The following RBBP4 variants were observed in gnomAD, a reference collection of about 807,000 sequenced individuals.
RBBP4 encodes RB binding protein 4, chromatin remodeling factor.
RBBP4 carries 3 observed loss-of-function variants against 57.2 expected under a neutral mutation model. The observed-to-expected ratio is 0.05, with a 90% CI of 0.02 to 0.14. RBBP4 has a LOEUF of 0.14. Among genes scored for constraint, RBBP4 ranks in the 10% least tolerant of loss-of-function variants. The pLI is 1.00. For synonymous variants in RBBP4, 151 were observed against 171.5 expected (o/e 0.88, Z 0.93); for missense variants, 107 against 520.6 (o/e 0.21, Z 7.73).
Position 32,684,576 on chromosome 1 carries a change from AATG to A in RBBP4, c.*4876_*4878del, listed in dbSNP as rs1649687799. 6.6e-6 allele frequency: 5 copies of A among 755,400 alleles called. No individual in the cohort carries two copies. The South Asian group carries it at 9.7e-5, about 15-fold the overall frequency. The allele number at this position is 755,400 out of a possible 1,614,324, so 46.8% of individuals were successfully genotyped here. ...GAAAAAAAGTGACAATGCTTTTGAAAATGATGACGAAAAAGGCATCTTGTCTGT... is the reference window on the plus strand; with the variant it reads ...GAAAAAAAGTGACAATGCTTTTGAAAATGACGAAAAAGGCATCTTGTCTGT... On this transcript the variant is annotated 3_prime_UTR_variant, in exon 12 of 12. Transcript: ENST00000373493.
chr1:32,679,602 G>A, intron 11 of RBBP4, 38 bp from the exon 12 acceptor site: 1 of 1,532,118 alleles, frequency 6.5e-7, no homozygotes, highest in Non-Finnish European at 8.7e-7. Context: ...TTTAGAAGAA[G>A]TCTTCATGTT....
At position 32,683,929 on chromosome 1, in the gene RBBP4, G is replaced by A. The variant is rs752784102; in HGVS notation, c.*4224G>A. On this transcript the variant is annotated 3_prime_UTR_variant, in exon 12 of 12. Coordinates refer to ENST00000373493, the MANE Select transcript of RBBP4 (RefSeq NM_005610.3). ...ATTACAGGCGTGAGCCACCCCGTCC[G>A]GCCTGTTTTTAAGGCATTAATTAGT... The A allele has an allele frequency of 1.6e-5, 23 of 1,421,306 alleles. No homozygotes were observed. The East Asian group carries it at 3.9e-4, about 24-fold the overall frequency. 88.0% of individuals were successfully genotyped at this position (1,421,306 alleles called of 1,614,324 possible).
chr1:32,679,465 A>G (rs564961577), intron 11 of RBBP4, among the ~76,000 whole-genome samples, 175 bp from the exon 12 acceptor site: 4 of 152,294 alleles, frequency 2.6e-5, no homozygotes, highest in East Asian at 1.9e-4. Flanking sequence ...TTCATTACCC[A>G]TTATAGGTTG....
intron 11 of RBBP4, among the ~76,000 whole-genome samples, chr1:32,675,723 C>T (rs574067325): frequency 2.0e-5 from 3 of 151,780 alleles, no homozygotes; most frequent in Middle Eastern, 3.5e-3. Flanking sequence ...GAGCCGAGAT[C>T]GTGCCACTGC....
chr1:32,668,665 C>G (rs1027156315), intron 4 of RBBP4, 74 bp from the exon 5 acceptor site: 1 of 1,257,628 alleles, frequency 8.0e-7, no homozygotes, highest in Non-Finnish European at 1.1e-6. Context: ...ACATCTTGAC[C>G]AAAATTCCAT....
At chr1:32,655,635 C>G (rs916419442) in intron 2 of RBBP4, among the ~76,000 whole-genome samples, 2 of 152,170 alleles carry the variant, frequency 1.3e-5, no homozygotes, top group Non-Finnish European at 2.9e-5. Context: ...TCTGCCTGCC[C>G]GTGTCTTCCC....
chr1:32,683,368 GAT>G lies in RBBP4; in HGVS notation c.*3666_*3667del, dbSNP rs1649581942. The G allele has an allele frequency of 6.6e-6, 1 of 151,746 alleles. No individual in the cohort carries two copies. Among genetic ancestry groups the G allele is most frequent in the Non-Finnish European group, 1.5e-5 (1 of 68,050 alleles). 9.4% of individuals were successfully genotyped at this position (151,746 alleles called of 1,614,324 possible). The stretch of plus-strand genomic sequence containing the variant: ...TATTATATAAGGAACTTAATGGATA[GAT>G]ATGTTTATTATTTTTGATAGCACAA... On this transcript the variant is annotated 3_prime_UTR_variant, in exon 12 of 12. Coordinates refer to ENST00000373493, the MANE Select transcript of RBBP4 (RefSeq NM_005610.3).
chr1:32,676,756 T>C (rs1649121501), intron 11 of RBBP4, among the ~76,000 whole-genome samples: 1 of 152,140 alleles, frequency 6.6e-6, no homozygotes, highest in South Asian at 2.1e-4. Flanking sequence ...CCTCACTCTC[T>C]TTGTAATAAA....
intron 2 of RBBP4, among the ~76,000 whole-genome samples, chr1:32,653,719 C>T (rs1165692179): frequency 4.0e-5 from 5 of 123,800 alleles, no homozygotes; most frequent in Non-Finnish European, 8.0e-5. Context: ...AGTGCAGTCA[C>T]GTGATCTCCG....
In RBBP4 at chr1:32,672,635, G is replaced by A; in HGVS notation, c.1044-7G>A. On this transcript the variant is annotated splice_region_variant and splice_polypyrimidine_tract_variant and intron_variant, in intron 9 of 11. Transcript: ENST00000373493. The stretch of plus-strand genomic sequence containing the variant: ...TTTTAACTTTTAAAATTATGCTTTT[G>A]TACTAGTAAAATTGGAGAGGAACAA... 6.2e-7 allele frequency: 1 copy of A among 1,613,586 alleles called. No individual in the cohort carries two copies. The highest frequency in any genetic ancestry group is 8.5e-7 in the Non-Finnish European group (1 of 1,179,538).
At chr1:32,652,981 A>G (rs1395619162) in intron 2 of RBBP4, among the ~76,000 whole-genome samples, 1 of 152,238 alleles carries the variant, frequency 6.6e-6, no homozygotes, top group Non-Finnish European at 1.5e-5. Context: ...AGAGATAATT[A>G]GGGTACCTAG....
intron 8 of RBBP4, among the ~76,000 whole-genome samples, chr1:32,671,555 A>G (rs1024508101): frequency 2.0e-5 from 3 of 152,032 alleles, no homozygotes; most frequent in African/African-American, 7.2e-5. Context: ...AAGAACAGAC[A>G]AGATGTGATG....
intron 11 of RBBP4, among the ~76,000 whole-genome samples, chr1:32,679,128 C>G (rs547649695): frequency 3.9e-5 from 6 of 152,096 alleles, no homozygotes; most frequent in Admixed American, 3.9e-4. Flanking sequence ...GAAACCCCAT[C>G]TCTATTAAAA....
chr1:32,656,857 G>A lies in RBBP4; in HGVS notation c.165-570G>A, dbSNP rs186051404. 8.4e-3 allele frequency among the ~76,000 whole-genome samples: 1,278 copies of A among 152,160 alleles called. 10 individuals carry two copies. The highest frequency in any genetic ancestry group is 1.0e-2 in the Non-Finnish European group (677 of 68,000). ...TCCTTTTTAATGAAAGTTTTAGTAA[G>A]CAAAATTATTAGCATACCCAACAAT... On this transcript the variant is annotated intron_variant, in intron 2 of 11. Transcript: ENST00000373493.
At chr1:32,653,651 T>TTG (rs1648000810) in intron 2 of RBBP4, among the ~76,000 whole-genome samples, 1 of 37,784 alleles carries the variant, frequency 2.6e-5, no homozygotes, top group African/African-American at 9.9e-5. Flanking sequence ...TTTTTTTTTT[T>TTG]TTTTTTTTGT....
In RBBP4 at chr1:32,660,002, A is replaced by G. The variant is rs192513831; in HGVS notation, c.310+2430A>G. On this transcript the variant is annotated intron_variant, in intron 3 of 11. Coordinates refer to ENST00000373493, the MANE Select transcript of RBBP4 (RefSeq NM_005610.3). ...AAGATTTGAAGTCCCACAACAGCGT[A>G]TGTATTTATGTCTGTTTCTCCATGC... is the stretch of plus-strand genomic sequence containing the variant. 3.2e-3 allele frequency among the ~76,000 whole-genome samples: 494 copies of G among 152,352 alleles called. 1 individual carries two copies. The highest frequency in any genetic ancestry group is 5.3e-3 in the Non-Finnish European group (359 of 68,036).
rs969150914 is a variant in RBBP4 at position 32,661,184 on chromosome 1, A to G, written c.310+3612A>G. ...GATTTCCGTATCTTTGGTATTGTGA[A>G]TAATGCTACAGTGAACATACAAGTG... is the stretch of plus-strand genomic sequence containing the variant. On this transcript the variant is annotated intron_variant, in intron 3 of 11. Transcript: ENST00000373493. Among the ~76,000 whole-genome samples, 14 of 152,278 alleles carry G rather than the reference A, an allele frequency of 9.2e-5. No homozygotes were observed. The East Asian group carries it at 2.3e-3, about 25-fold the overall frequency.
chr1:32,679,942 G>T lies in RBBP4; in HGVS notation c.*237G>T, dbSNP rs1649317072. 1.6e-6 allele frequency: 2 copies of T among 1,284,970 alleles called. No homozygotes were observed. Among genetic ancestry groups the T allele is most frequent in the South Asian group, 2.2e-5 (1 of 44,792 alleles). The allele number at this position is 1,284,970 out of a possible 1,614,324, so 79.6% of individuals were successfully genotyped here. ...CTTCAGGAATTTTCTAGTAACCCAG[G>T]TCTAAAGTAGCTACAGAAAGGGGAA... On this transcript the variant is annotated 3_prime_UTR_variant, in exon 12 of 12. Coordinates refer to ENST00000373493, the MANE Select transcript of RBBP4 (RefSeq NM_005610.3).
intron 11 of RBBP4, among the ~76,000 whole-genome samples, chr1:32,678,305 C>A (rs659846): frequency 0.86 from 129,770 of 150,824 alleles, 57,349 homozygotes; most frequent in Non-Finnish European, 0.96. Context: ...TGGCTCACTG[C>A]AACCTCCGCC....
Sources: allele counts gnomAD v4.1 joint callset (sites outside exome capture counted in the v4.1 genomes callset), GRCh38; gene constraint gnomAD v4.1.1; transcripts MANE v1.5; gene names NCBI Gene and HGNC (gene_info 2026-07-23, HGNC 2026-07-21).